FAM227B: variants seen among roughly 807,000 people sequenced by gnomAD.
FAM227B encodes the protein protein FAM227B.
In FAM227B, 88 loss-of-function variants were observed where a neutral mutation model predicts 73.8. The observed-to-expected ratio is 1.19, with a 90% CI of 1.00 to 1.42. The LOEUF is 1.42. Among genes scored for constraint, FAM227B ranks in the 40% most tolerant of loss-of-function variants. The pLI is 0.00. For synonymous variants in FAM227B, 210 were observed against 190.5 expected (o/e 1.10, Z -0.84); for missense variants, 632 against 590.9 (o/e 1.07, Z -0.72).
chr15:49,596,528 A>G (rs2076893652), intron 3 of FAM227B, among the ~76,000 whole-genome samples: 1 of 151,864 alleles, frequency 6.6e-6, no homozygotes, highest in South Asian at 2.1e-4. Flanking sequence ...TCCTTAAGGC[A>G]TAAATCTCAC....
At chr15:49,347,747 G>A (rs1223384180) in intron 13 of FAM227B, among the ~76,000 whole-genome samples, 2 of 152,130 alleles carry the variant, frequency 1.3e-5, no homozygotes, top group Non-Finnish European at 2.9e-5. Context: ...GGCCAGGCAT[G>A]GTGGCTCACG....
chr15:49,445,622 C>T (rs2052122705), intron 11 of FAM227B, among the ~76,000 whole-genome samples: 1 of 151,414 alleles, frequency 6.6e-6, no homozygotes, highest in Non-Finnish European at 1.5e-5. Context: ...TATATGAAAA[C>T]ATCACTGTGT....
At chr15:49,354,009 A>T (rs1273135700) in intron 13 of FAM227B, 2 of 152,246 alleles carry the variant, frequency 1.3e-5, no homozygotes, top group African/African-American at 2.4e-5. Flanking sequence ...AATAATGGTA[A>T]AAAGAATACA....
chr15:49,543,691 G>A (rs1424563751), intron 9 of FAM227B, among the ~76,000 whole-genome samples: 1 of 152,058 alleles, frequency 6.6e-6, no homozygotes, highest in Non-Finnish European at 1.5e-5. Context: ...TAAGAGACAA[G>A]TATCCAGCTT....
intron 2 of FAM227B, among the ~76,000 whole-genome samples, chr15:49,612,301 T>C (rs1012990270): frequency 6.6e-6 from 1 of 152,140 alleles, no homozygotes; most frequent in Non-Finnish European, 1.5e-5. Context: ...GTCCATGTGT[T>C]CTCATTGTTC....
intron 9 of FAM227B, among the ~76,000 whole-genome samples, chr15:49,547,375 C>T (rs557490359): frequency 2.2e-3 from 336 of 149,834 alleles, no homozygotes; most frequent in African/African-American, 7.5e-3. Context: ...CATCAACTAA[C>T]AAGCAAAATA....
intron 13 of FAM227B, chr15:49,366,593 T>C: frequency 6.2e-7 from 1 of 1,600,518 alleles, no homozygotes; most frequent in Non-Finnish European, 8.6e-7. Flanking sequence ...TCCAGACGCA[T>C]GCAAGATTGC....
At chr15:49,381,065 G>C (rs185757892) in intron 11 of FAM227B, among the ~76,000 whole-genome samples, 2 of 152,218 alleles carry the variant, frequency 1.3e-5, no homozygotes, top group East Asian at 3.9e-4. Flanking sequence ...CAAGAGCAAG[G>C]GGGAGGGGAG....
intron 9 of FAM227B, among the ~76,000 whole-genome samples, chr15:49,543,770 TTA>T (rs1458935279): frequency 2.0e-5 from 3 of 152,112 alleles, no homozygotes; most frequent in Non-Finnish European, 4.4e-5. Context: ...TTTTCCCACT[TTA>T]TGTTTTTGTT....
chr15:49,454,196 TC>T (rs1452236037), intron 11 of FAM227B, among the ~76,000 whole-genome samples: 1 of 152,214 alleles, frequency 6.6e-6, no homozygotes, highest in East Asian at 1.9e-4. Context: ...TAGCATTTTA[TC>T]ATCAGAAATA....
chr15:49,417,320 G>T (rs377327230), intron 11 of FAM227B, among the ~76,000 whole-genome samples: 1 of 152,110 alleles, frequency 6.6e-6, no homozygotes, highest in East Asian at 1.9e-4. Context: ...CCAGAAACTT[G>T]AGGCTGCAGT....
chr15:49,366,243 T>C (rs924061818), intron 13 of FAM227B: 30 of 786,516 alleles, frequency 3.8e-5, no homozygotes, highest in East Asian at 9.7e-5. Flanking sequence ...GTCTGCTTCA[T>C]ATCTATAAAG....
intron 13 of FAM227B, among the ~76,000 whole-genome samples, chr15:49,354,489 G>A (rs1403544861): frequency 2.0e-5 from 3 of 152,014 alleles, no homozygotes; most frequent in South Asian, 4.2e-4. Flanking sequence ...GGTGACGGAC[G>A]GCACCTGGAA....
At chr15:49,607,928 A>G (rs1449851456) in intron 3 of FAM227B, among the ~76,000 whole-genome samples, 3 of 152,094 alleles carry the variant, frequency 2.0e-5, no homozygotes, top group East Asian at 3.9e-4. Flanking sequence ...TTTGCCTTCA[A>G]TAAGGTACCT....
At chr15:49,501,431 C>T (rs1318267373) in intron 11 of FAM227B, among the ~76,000 whole-genome samples, 2 of 152,178 alleles carry the variant, frequency 1.3e-5, no homozygotes, top group Non-Finnish European at 2.9e-5. Context: ...TTTCCCTGCC[C>T]TAGGGATCTG....
intron 11 of FAM227B, among the ~76,000 whole-genome samples, chr15:49,420,658 T>G (rs73398280): frequency 0.018 from 2,796 of 152,240 alleles, 86 homozygotes; most frequent in African/African-American, 0.065. Flanking sequence ...AATATTTAAT[T>G]ATGTTCCCTT....
chr15:49,600,130 T>C (rs1598472968), intron 3 of FAM227B, among the ~76,000 whole-genome samples: 1 of 152,144 alleles, frequency 6.6e-6, no homozygotes, highest in African/African-American at 2.4e-5. Context: ...AGACACTCTT[T>C]GCAAATTGAC....
At chr15:49,588,601 A>ATATATATATAT (rs1491438325) in intron 4 of FAM227B, among the ~76,000 whole-genome samples, 8 of 109,620 alleles carry the variant, frequency 7.3e-5, no homozygotes, top group Non-Finnish European at 1.3e-4. Flanking sequence ...ATATATATAT[A>ATATATATATAT]AAATTACCTT....
At chr15:49,335,356 T>C (rs1262680844) in intron 14 of FAM227B, 63 bp downstream of exon 14, 20 of 1,078,454 alleles carry the variant, frequency 1.9e-5, no homozygotes, top group Non-Finnish European at 2.4e-5. Context: ...ATGATTTCTC[T>C]GATTGTTTCC....
Sources: gnomAD v4.1 joint callset for allele counts (sites outside exome capture counted in the v4.1 genomes callset) on GRCh38, gnomAD v4.1.1 for gene constraint, MANE v1.5 for transcripts, NCBI Gene and HGNC (gene_info 2026-07-23, HGNC 2026-07-21) for gene names.